CNOT2: variants seen among roughly 807,000 people sequenced by gnomAD.
CNOT2 encodes the protein CCR4-NOT transcription complex subunit 2.
In CNOT2, 7 loss-of-function variants were observed where a neutral mutation model predicts 72.1. The ratio of observed to expected loss-of-function variants is 0.10; its 90% CI spans 0.06 to 0.18. The LOEUF (loss-of-function observed/expected upper bound fraction) is 0.18, where lower values mean the gene tolerates loss of function less well. Among genes scored for constraint, CNOT2 ranks in the 10% least tolerant of loss-of-function variants. The pLI, the probability that CNOT2 is intolerant of heterozygous loss-of-function variation, is 1.00. For synonymous variants in CNOT2, 196 were observed against 225.6 expected, an observed-to-expected ratio of 0.87 and a Z score of 1.17; for missense variants, 345 against 660.3, an observed-to-expected ratio of 0.52 and a Z score of 5.23.
chr12:70,252,354 T>G (rs1958180511), intron 1 of CNOT2, among the ~76,000 whole-genome samples: 1 of 151,990 alleles, frequency 6.6e-6, no homozygotes, highest in Non-Finnish European at 1.5e-5. Context: ...GCCCGGCAAA[T>G]TTTTGTATCT....
intron 9 of CNOT2, chr12:70,337,974 A>G (rs1880924682): frequency 4.1e-6 from 1 of 243,960 alleles, no homozygotes; most frequent in Non-Finnish European, 8.0e-6. Flanking sequence ...TTTATATATT[A>G]TTAAAATAAT....
At chr12:70,254,090 T>C (rs577877858) in intron 1 of CNOT2, among the ~76,000 whole-genome samples, 1 of 151,718 alleles carries the variant, frequency 6.6e-6, no homozygotes, top group Admixed American at 6.6e-5. Flanking sequence ...ATACAAAAAT[T>C]AGCCGGGAGT....
intron 4 of CNOT2, among the ~76,000 whole-genome samples, chr12:70,321,271 T>C (rs1027830378): frequency 1.4e-4 from 21 of 151,816 alleles, no homozygotes; most frequent in Non-Finnish European, 1.5e-5. Context: ...AATTATGTTT[T>C]TCCAAGATAT....
At chr12:70,266,546 T>C (rs1959055895) in intron 1 of CNOT2, among the ~76,000 whole-genome samples, 1 of 152,226 alleles carries the variant, frequency 6.6e-6, no homozygotes, top group South Asian at 2.1e-4. Context: ...TATTGAAATT[T>C]CCAAATGTAA....
chr12:70,286,106 T>C (rs1593126975), intron 2 of CNOT2, among the ~76,000 whole-genome samples: 2 of 128,992 alleles, frequency 1.6e-5, no homozygotes, highest in South Asian at 2.4e-4. Context: ...AAATAAGCGA[T>C]CATATTTTCA....
intron 2 of CNOT2, among the ~76,000 whole-genome samples, chr12:70,305,617 A>C (rs1196058327): frequency 6.6e-6 from 1 of 152,370 alleles, no homozygotes; most frequent in African/African-American, 2.4e-5. Flanking sequence ...GACATTTTTC[A>C]GAGATTACCA....
intron 2 of CNOT2, among the ~76,000 whole-genome samples, chr12:70,302,465 C>T (rs1486691566): frequency 2.0e-5 from 3 of 151,562 alleles, no homozygotes; most frequent in African/African-American, 7.3e-5. Context: ...GCCTTCATTT[C>T]GTTATGTACC....
At position 70,308,584 on chromosome 12, in the gene CNOT2, T is replaced by TCTCTCTCACA. The variant is rs550679130; in HGVS notation, c.49-2310_49-2309insTCTCTCACAC. Among the ~76,000 whole-genome samples the TCTCTCTCACA allele has an allele frequency of 4.0e-4, 53 of 133,326 alleles. 1 individual carries two copies. The highest frequency in any genetic ancestry group is 2.0e-3 in the Admixed American group (27 of 13,704). The allele number at this position is 133,326 out of a possible 152,430, so 87.5% of individuals were successfully genotyped here. A position where few individuals can be genotyped will look rare whatever the true frequency, so the allele number is the denominator to read the frequency against. On this transcript the variant is annotated intron_variant, in intron 2 of 15. Transcript: ENST00000229195. ...CTCTCTCTCTCTCTCTCTCTCTCTC[T>TCTCTCTCACA]CACACACACACACACACACACACAG...
At chr12:70,312,581 C>A (rs1369469135) in intron 3 of CNOT2, among the ~76,000 whole-genome samples, 6 of 151,790 alleles carry the variant, frequency 4.0e-5, no homozygotes, top group African/African-American at 1.5e-4. Context: ...CCATTCTGAT[C>A]CAGCTGGTTG....
intron 6 of CNOT2, chr12:70,330,681 T>G (rs1295357259): frequency 9.1e-6 from 4 of 438,578 alleles, no homozygotes; most frequent in Non-Finnish European, 1.6e-5. Flanking sequence ...AACATTTTGT[T>G]GTTGTGGTTG....
intron 2 of CNOT2, among the ~76,000 whole-genome samples, chr12:70,282,364 T>C (rs1182658545): frequency 2.6e-5 from 4 of 152,188 alleles, no homozygotes; most frequent in Non-Finnish European, 5.9e-5. Context: ...TCTAAAACAT[T>C]GTATTTTTGT....
intron 7 of CNOT2, chr12:70,334,551 AAAATT>A (rs1000565255): frequency 1.3e-5 from 2 of 152,226 alleles, no homozygotes; most frequent in African/African-American, 2.4e-5. Context: ...TGGTAAAACA[AAAATT>A]AAAAGCTATA....
intron 1 of CNOT2, among the ~76,000 whole-genome samples, chr12:70,252,765 TAA>T (rs1958210245): frequency 6.6e-6 from 1 of 152,148 alleles, no homozygotes; most frequent in African/African-American, 2.4e-5. Flanking sequence ...AAAATGTAGA[TAA>T]AAATAAATAA....
intron 1 of CNOT2, among the ~76,000 whole-genome samples, chr12:70,274,801 G>A (rs988053793): frequency 6.6e-6 from 1 of 151,962 alleles, no homozygotes; most frequent in Non-Finnish European, 1.5e-5. Flanking sequence ...GGTCTGGTTT[G>A]TTTCCTGTAA....
At chr12:70,331,296 C>T (rs1040751406) in intron 6 of CNOT2, 1 of 151,836 alleles carries the variant, frequency 6.6e-6, no homozygotes, top group Non-Finnish European at 1.5e-5. Context: ...AATCCTCATT[C>T]CATAAACTCC....
intron 2 of CNOT2, among the ~76,000 whole-genome samples, chr12:70,303,255 CATT>C (rs1223507550): frequency 2.6e-5 from 4 of 152,162 alleles, no homozygotes; most frequent in Non-Finnish European, 5.9e-5. Context: ...TTGATCCTGT[CATT>C]ATGATGTTAG....
chr12:70,243,044 G>A (rs1359813984), upstream of CNOT2: 1 of 152,582 alleles, frequency 6.6e-6, no homozygotes, highest in Non-Finnish European at 1.5e-5. Flanking sequence ...TCCCCGGGGA[G>A]GGCGGACTGA....
At chr12:70,307,209 G>A (rs545571572) in intron 2 of CNOT2, among the ~76,000 whole-genome samples, 5 of 152,076 alleles carry the variant, frequency 3.3e-5, no homozygotes, top group South Asian at 2.1e-4. Flanking sequence ...TTTCATTCTC[G>A]AATAATGAGT....
chr12:70,296,173 T>A (rs1872763512), intron 2 of CNOT2, among the ~76,000 whole-genome samples: 1 of 152,038 alleles, frequency 6.6e-6, no homozygotes, highest in African/African-American at 2.4e-5. Context: ...TCCCCATCTT[T>A]CAGATATAGG....
Sources: gnomAD v4.1 joint callset for allele counts (sites outside exome capture counted in the v4.1 genomes callset) on GRCh38, gnomAD v4.1.1 for gene constraint, MANE v1.5 for transcripts, NCBI Gene and HGNC (gene_info 2026-07-23, HGNC 2026-07-21) for gene names.